The following ABTB2 variants were observed in gnomAD, a reference collection of about 807,000 sequenced individuals.
The protein encoded by ABTB2 is ankyrin repeat and BTB/POZ domain-containing protein 2.
ABTB2 carries 56 observed loss-of-function variants against 104.1 expected under a neutral mutation model. The observed-to-expected ratio is 0.54, with a 90% CI of 0.43 to 0.67. The LOEUF is 0.67. ABTB2 is among the 30% of genes least tolerant of loss of function. The pLI is 0.00. For missense variants in ABTB2, 1,279 were observed against 1,407.7 expected, an observed-to-expected ratio of 0.91 and a Z score of 1.46; for synonymous variants, 606 against 608.2, an observed-to-expected ratio of 1.00 and a Z score of 0.05.
intron 1 of ABTB2, among the ~76,000 whole-genome samples, chr11:34,316,801 A>G (rs1159764637): frequency 6.6e-6 from 1 of 152,230 alleles, no homozygotes; most frequent in Admixed American, 6.5e-5. Context: ...CTAATTGACT[A>G]CATTAAGGGT....
chr11:34,266,080 A>G (rs1814875726), intron 1 of ABTB2, among the ~76,000 whole-genome samples: 1 of 151,714 alleles, frequency 6.6e-6, no homozygotes. Flanking sequence ...CATTTTTGTT[A>G]TTTATTTATC....
At chr11:34,279,483 A>G (rs1854424675) in intron 1 of ABTB2, among the ~76,000 whole-genome samples, 1 of 152,258 alleles carries the variant, frequency 6.6e-6, no homozygotes, top group Non-Finnish European at 1.5e-5. Context: ...ATGAGACCAG[A>G]GAAGTCAAAG....
At chr11:34,335,863 G>A (rs1855187541) in intron 1 of ABTB2, 3 of 1,104,722 alleles carry the variant, frequency 2.7e-6, no homozygotes, top group Admixed American at 1.9e-5. Context: ...TATATCTGGA[G>A]GTAGAGCGGC....
At chr11:34,296,060 A>G (rs935449031) in intron 1 of ABTB2, among the ~76,000 whole-genome samples, 2 of 152,328 alleles carry the variant, frequency 1.3e-5, no homozygotes, top group Admixed American at 6.5e-5. Context: ...GGAACCCAGA[A>G]GATCAAGGCA....
At chr11:34,221,962 T>G (rs1853629341) in intron 1 of ABTB2, among the ~76,000 whole-genome samples, 2 of 152,130 alleles carry the variant, frequency 1.3e-5, no homozygotes, top group Admixed American at 1.3e-4. Flanking sequence ...GGAGAATAGC[T>G]TGAACCTGGG....
At chr11:34,323,962 G>A (rs1193827297) in intron 1 of ABTB2, among the ~76,000 whole-genome samples, 2 of 144,742 alleles carry the variant, frequency 1.4e-5, no homozygotes, top group Non-Finnish European at 3.0e-5. Context: ...TGCCCAGGCT[G>A]GAGTGCCATG....
chr11:34,327,156 C>T (rs548680451), intron 1 of ABTB2, among the ~76,000 whole-genome samples: 91 of 152,290 alleles, frequency 6.0e-4, no homozygotes, highest in Non-Finnish European at 1.2e-3. Context: ...TGACTATTTG[C>T]TGTATACAAG....
intron 1 of ABTB2, among the ~76,000 whole-genome samples, chr11:34,230,211 T>C (rs1398259790): frequency 1.3e-5 from 2 of 152,240 alleles, no homozygotes; most frequent in Non-Finnish European, 2.9e-5. Context: ...GGGGGACCGG[T>C]GACCTTGGTG....
chr11:34,229,839 G>A (rs117558336), intron 1 of ABTB2, among the ~76,000 whole-genome samples: 219 of 152,318 alleles, frequency 1.4e-3, no homozygotes, highest in Non-Finnish European at 2.5e-3. Context: ...AACCTACAGT[G>A]TTGTTTCATT....
chr11:34,285,541 A>G (rs186955053), intron 1 of ABTB2, among the ~76,000 whole-genome samples: 11 of 152,322 alleles, frequency 7.2e-5, no homozygotes, highest in Non-Finnish European at 1.6e-4. Flanking sequence ...GTAGTTTACA[A>G]GGCCATTCTA....
chr11:34,299,734 T>C (rs530694124), intron 1 of ABTB2, among the ~76,000 whole-genome samples: 1 of 152,316 alleles, frequency 6.6e-6, no homozygotes, highest in East Asian at 1.9e-4. Context: ...CATTTGGAGT[T>C]TGCTCATCTG....
At chr11:34,174,831 T>G (rs1852940518) in intron 3 of ABTB2, among the ~76,000 whole-genome samples, 1 of 152,266 alleles carries the variant, frequency 6.6e-6, no homozygotes, top group Non-Finnish European at 1.5e-5. Flanking sequence ...CCCTCACTCA[T>G]GCTGTTCTCT....
intron 1 of ABTB2, among the ~76,000 whole-genome samples, chr11:34,211,902 CAAAAAAAAAAAAA>C (rs1231324201): frequency 3.4e-5 from 2 of 58,036 alleles, no homozygotes; most frequent in African/African-American, 6.2e-5. Flanking sequence ...GACCCTGTCT[CAAAAAAAAAAAAA>C]AAAAAAAAAG....
rs1320593494 is a variant in ABTB2, at chr11:34,154,424, G to C, written c.2767-46C>G. 2 of 1,410,464 alleles carry C rather than the reference G, an allele frequency of 1.4e-6. No individual in the cohort carries two copies. The highest frequency in any genetic ancestry group is 2.8e-5 in the African/African-American group (2 of 70,976). The allele number at this position is 1,410,464 out of a possible 1,614,324, so 87.4% of individuals were successfully genotyped here. The stretch of plus-strand genomic sequence containing the variant: ...GTCTTGGGGACCCATGGCCAGACCA[G>C]TGGCCCAGACAGCACCGAACAGAAA... On this transcript the variant is annotated intron_variant, in intron 15 of 16. Transcript: ENST00000435224. This position sits in a 1 kb window ranked among gnomAD's most constrained non-coding sequence, Gnocchi z 4.9.
intron 3 of ABTB2, among the ~76,000 whole-genome samples, chr11:34,176,218 C>A (rs958170110): frequency 7.2e-6 from 1 of 138,684 alleles, no homozygotes; most frequent in Non-Finnish European, 1.5e-5. Flanking sequence ...AGGCAGAGAT[C>A]GCAATGAGCC....
At chr11:34,191,919 C>G (rs1853180950) in intron 3 of ABTB2, among the ~76,000 whole-genome samples, 1 of 152,294 alleles carries the variant, frequency 6.6e-6, no homozygotes, top group East Asian at 1.9e-4. Context: ...TCTGTATATG[C>G]TGCTCCCCTG....
At chr11:34,321,418 T>A (rs944440746) in intron 1 of ABTB2, among the ~76,000 whole-genome samples, 38 of 152,216 alleles carry the variant, frequency 2.5e-4, no homozygotes, top group African/African-American at 8.9e-4. Flanking sequence ...AGGATAGACT[T>A]TAAAGGTTAC....
At position 34,197,451 on chromosome 11, in the gene ABTB2, G is replaced by A. The variant is rs765465399; in HGVS notation, c.1118C>T (p.Pro373Leu). ...GASPARQARQ[P>L]PQPITWSPDA... ...GGGGGACCAAGTGATGGGCTGTGGC[G>A]GCTGGCGGGCCTGGCGGGCAGGGCT... The change falls in exon 3 of 17, where the codon CCG becomes CTG. Residue 373 changes from proline to leucine, a missense_variant. Transcript: ENST00000435224. 21 of 1,598,378 alleles carry A rather than the reference G, an allele frequency of 1.3e-5. No homozygotes were observed. In the African/African-American group the frequency reaches 1.5e-4, roughly 11 times the overall value.
In ABTB2 at chr11:34,236,808, C is replaced by T. The variant is rs144782307; in HGVS notation, c.884-32118G>A. On this transcript the variant is annotated intron_variant, in intron 1 of 16. Coordinates refer to ENST00000435224, the MANE Select transcript of ABTB2 (RefSeq NM_145804.3). ...TCGCTCCTAGATAGATTAGCACCTTCCTCTGCCCTAATCATTCCAGACAGC... is the reference window on the plus strand; with the variant it reads ...TCGCTCCTAGATAGATTAGCACCTTTCTCTGCCCTAATCATTCCAGACAGC... Among the ~76,000 whole-genome samples, 769 of 152,346 alleles carry T rather than the reference C, an allele frequency of 5.0e-3. 9 individuals are homozygous for T. Among genetic ancestry groups the T allele is most frequent in the African/African-American group, 0.018 (744 of 41,580 alleles).
Sources: gnomAD v4.1 joint callset for allele counts (sites outside exome capture counted in the v4.1 genomes callset) on GRCh38, gnomAD v4.1.1 for gene constraint, Gnocchi (gnomAD v3.1) non-coding constraint, MANE v1.5 for transcripts, NCBI Gene and HGNC (gene_info 2026-07-23, HGNC 2026-07-21) for gene names.